The following ORC5 variants were observed in gnomAD, a reference collection of about 807,000 sequenced individuals.
ORC5 encodes the protein origin recognition complex subunit 5, also known as protein phosphatase 1, regulatory subunit 117.
In ORC5, 39 loss-of-function variants were observed where a neutral mutation model predicts 58.8. That is an observed-to-expected ratio of 0.66 (90% CI 0.51 to 0.87). ORC5 has a LOEUF of 0.87. Among genes scored for constraint, ORC5 ranks in the 40% least tolerant of loss-of-function variants. The probability of loss-of-function intolerance (pLI) is 0.00; values close to 1 mark genes in which losing one functional copy is unlikely to be tolerated. For missense variants in ORC5, 493 were observed against 506.3 expected, an observed-to-expected ratio of 0.97 and a Z score of 0.25; for synonymous variants, 218 against 177.6, an observed-to-expected ratio of 1.23 and a Z score of -1.81.
chr7:104,171,381 G>C (rs1002094015), intron 8 of ORC5, among the ~76,000 whole-genome samples: 6 of 152,138 alleles, frequency 3.9e-5, no homozygotes, highest in Non-Finnish European at 2.9e-5. Flanking sequence ...ATGAATGCAG[G>C]GGTAAGGTTG....
At chr7:104,189,242 C>G (rs922885979) in intron 5 of ORC5, among the ~76,000 whole-genome samples, 2 of 151,950 alleles carry the variant, frequency 1.3e-5, no homozygotes, top group African/African-American at 4.8e-5. Flanking sequence ...TTCTGCATGG[C>G]TGGGGAGGCC....
intron 8 of ORC5, among the ~76,000 whole-genome samples, chr7:104,180,601 C>G (rs373647144): frequency 6.6e-6 from 1 of 151,696 alleles, no homozygotes; most frequent in Non-Finnish European, 1.5e-5. Context: ...CTAGAACTAA[C>G]TTGGATTTTC....
intron 2 of ORC5, among the ~76,000 whole-genome samples, chr7:104,202,060 A>G (rs1280299659): frequency 6.6e-6 from 1 of 152,100 alleles, no homozygotes; most frequent in Non-Finnish European, 1.5e-5. Flanking sequence ...ACTGCACTCC[A>G]ACCTGGGCAA....
intron 12 of ORC5, among the ~76,000 whole-genome samples, chr7:104,137,254 TTTTAAATGTGCCTACA>T (rs1470686222): frequency 5.6e-5 from 8 of 143,054 alleles, no homozygotes; most frequent in Non-Finnish European, 1.1e-4. Context: ...CAGGCACATT[TTTTAAATGTGCCTACA>T]AAAAAAAAAA....
At chr7:104,202,838 A>C (rs1799977379) in intron 2 of ORC5, among the ~76,000 whole-genome samples, 1 of 152,202 alleles carries the variant, frequency 6.6e-6, no homozygotes, top group East Asian at 1.9e-4. Flanking sequence ...TCTACAACTT[A>C]ATAAGCTGAA....
At chr7:104,155,831 T>C (rs1179311851) in intron 12 of ORC5, among the ~76,000 whole-genome samples, 2 of 151,600 alleles carry the variant, frequency 1.3e-5, no homozygotes, top group South Asian at 4.1e-4. Flanking sequence ...AGAGGAGACA[T>C]AGAACTATAA....
intron 12 of ORC5, among the ~76,000 whole-genome samples, 199 bp downstream of exon 12, chr7:104,160,873 T>A (rs1799010501): frequency 6.6e-6 from 1 of 152,188 alleles, no homozygotes; most frequent in South Asian, 2.1e-4. Context: ...AGGTTATACT[T>A]GTAAACATAT....
chr7:104,162,776 A>C (rs571975465), intron 11 of ORC5, among the ~76,000 whole-genome samples: 9 of 152,310 alleles, frequency 5.9e-5, no homozygotes, highest in African/African-American at 1.7e-4. Context: ...CACATTACAG[A>C]TAAGTTGAAG....
chr7:104,206,346 G>A (rs1800083720), intron 1 of ORC5, among the ~76,000 whole-genome samples: 2 of 152,132 alleles, frequency 1.3e-5, no homozygotes, highest in South Asian at 2.1e-4. Context: ...GCAGAAAACT[G>A]ATATTAAAAT....
At chr7:104,181,476 T>C (rs1799428857) in intron 8 of ORC5, among the ~76,000 whole-genome samples, 1 of 152,128 alleles carries the variant, frequency 6.6e-6, no homozygotes, top group African/African-American at 2.4e-5. Context: ...ACTTTGACTG[T>C]CATATCATAT....
chr7:104,153,013 G>C (rs1185441563), intron 12 of ORC5, among the ~76,000 whole-genome samples: 1 of 152,156 alleles, frequency 6.6e-6, no homozygotes, highest in African/African-American at 2.4e-5. Context: ...GGCAGATTTA[G>C]AGAAGATAAG....
At chr7:104,169,941 C>A (rs1026329084) in intron 8 of ORC5, among the ~76,000 whole-genome samples, 3 of 152,148 alleles carry the variant, frequency 2.0e-5, no homozygotes, top group Non-Finnish European at 4.4e-5. Context: ...CATCATCAAT[C>A]CTTTTGTTAG....
intron 5 of ORC5, among the ~76,000 whole-genome samples, chr7:104,192,138 G>A (rs1237446114): frequency 6.6e-6 from 1 of 152,076 alleles, no homozygotes; most frequent in Admixed American, 6.6e-5. Flanking sequence ...CTGAGTTGAG[G>A]AGACAGAGAC....
chr7:104,131,922 A>G (rs943735211), intron 13 of ORC5, among the ~76,000 whole-genome samples: 9 of 152,182 alleles, frequency 5.9e-5, no homozygotes, highest in Non-Finnish European at 8.8e-5. Context: ...AAATAAGTAA[A>G]TAAATGAATC....
chr7:104,166,895 A>G lies in ORC5; in HGVS notation c.878-11T>C. 2 of 1,455,964 alleles carry G rather than the reference A, an allele frequency of 1.4e-6. No individual in the cohort carries two copies. The highest frequency in any genetic ancestry group is 1.8e-5 in the Admixed American group (1 of 56,356). The allele number at this position is 1,455,964 out of a possible 1,614,324, so 90.2% of individuals were successfully genotyped here. ...TATGCGCTGAGAGGCCTATATAACAAAACACTTTGATGAAGTACTTATTAG... is the reference window on the plus strand; with the variant it reads ...TATGCGCTGAGAGGCCTATATAACAGAACACTTTGATGAAGTACTTATTAG... On this transcript the variant is annotated splice_polypyrimidine_tract_variant and intron_variant, in intron 9 of 13. Transcript: ENST00000297431.
chr7:104,196,092 TTACTC>T (rs1231679417), intron 4 of ORC5, among the ~76,000 whole-genome samples: 1 of 152,240 alleles, frequency 6.6e-6, no homozygotes, highest in African/African-American at 2.4e-5. Flanking sequence ...TCAGCTGAGA[TTACTC>T]TAAATCTTTT....
intron 1 of ORC5, among the ~76,000 whole-genome samples, chr7:104,204,622 C>G (rs1299354650): frequency 6.6e-6 from 1 of 152,126 alleles, no homozygotes; most frequent in Non-Finnish European, 1.5e-5. Flanking sequence ...TGCGATGCCA[C>G]AACTTCACTA....
At chr7:104,174,323 T>C (rs1483732801) in intron 8 of ORC5, among the ~76,000 whole-genome samples, 1 of 152,196 alleles carries the variant, frequency 6.6e-6, no homozygotes, top group Non-Finnish European at 1.5e-5. Flanking sequence ...CCCCACCATC[T>C]AAAACACTGG....
intron 13 of ORC5, among the ~76,000 whole-genome samples, chr7:104,131,232 G>A (rs1005293278): frequency 2.6e-5 from 4 of 151,868 alleles, no homozygotes; most frequent in African/African-American, 7.3e-5. Flanking sequence ...CCTCCTTCTC[G>A]GAGAAAATGG....
Sources: gnomAD v4.1 joint callset for allele counts (sites outside exome capture counted in the v4.1 genomes callset) on GRCh38, gnomAD v4.1.1 for gene constraint, MANE v1.5 for transcripts, NCBI Gene and HGNC (gene_info 2026-07-23, HGNC 2026-07-21) for gene names.